Variants in P4HA1 observed in about 807,000 individuals in gnomAD.
The protein encoded by P4HA1 is prolyl 4-hydroxylase subunit alpha-1.
Under a neutral mutation model 72.8 loss-of-function variants are expected in P4HA1, and 24 were observed. That is an observed-to-expected ratio of 0.33 (90% CI 0.24 to 0.46). The LOEUF is 0.46. P4HA1 is among the 20% of genes least tolerant of loss of function. The pLI is 1.00. For synonymous variants in P4HA1, 201 were observed against 218.8 expected, an observed-to-expected ratio of 0.92 and a Z score of 0.72; for missense variants, 446 against 640.6, an observed-to-expected ratio of 0.70 and a Z score of 3.28.
intron 7 of P4HA1, among the ~76,000 whole-genome samples, chr10:73,050,165 C>CAAA (rs549704773): frequency 4.5e-4 from 37 of 83,042 alleles, no homozygotes; most frequent in African/African-American, 1.4e-3. Flanking sequence ...GTTTCTGTCT[C>CAAA]AAAAAAAAAA....
chr10:73,070,345 C>T (rs929301184), intron 4 of P4HA1, among the ~76,000 whole-genome samples: 5 of 151,334 alleles, frequency 3.3e-5, no homozygotes, highest in African/African-American at 7.3e-5. Flanking sequence ...TTAGTAGAGA[C>T]GGGTTTTCAC....
chr10:73,072,102 T>C lies in P4HA1; in HGVS notation c.252A>G (p.Ala84=). Residue 84 remains alanine (A), a synonymous_variant, in exon 4 of 15, where the codon GCA becomes GCG. Transcript: ENST00000394890. ...PEGFVGHPVN[A]FKLMKRLNTE... The stretch of plus-strand genomic sequence containing the variant: ...TATTCAGACGTTTCATTAATTTGAA[T>C]GCATTTACTGGATGCCCAACAAATC... 6.2e-7 allele frequency: 1 copy of C among 1,613,056 alleles called. No individual in the cohort carries two copies. Among genetic ancestry groups the C allele is most frequent in the South Asian group, 1.1e-5 (1 of 91,068 alleles).
chr10:73,051,208 C>G lies in P4HA1; in HGVS notation c.745G>C (p.Glu249Gln). The G allele has an allele frequency of 6.2e-7, 1 of 1,603,410 alleles. No homozygotes were observed. The highest frequency in any genetic ancestry group is 8.5e-7 in the Non-Finnish European group (1 of 1,170,902). Reference sequence around the variant, plus strand: ...TCTTTTTCTTTAGCCATTATATACTCAAAATATTTTAAGTTACCATTAGCT... The same window carrying G: ...TCTTTTTCTTTAGCCATTATATACTGAAAATATTTTAAGTTACCATTAGCT... ...QRANGNLKYF[E>Q]YIMAKEKDVN... is the part of the protein sequence containing the mutation. The change falls in exon 7 of 15, where the codon GAG (glutamate) becomes CAG (glutamine). Residue 249 changes from glutamate (E) to glutamine (Q), a missense_variant. Coordinates refer to ENST00000394890, the MANE Select transcript of P4HA1 (RefSeq NM_001017962.3).
intron 5 of P4HA1, among the ~76,000 whole-genome samples, chr10:73,066,977 C>G (rs1841438330): frequency 6.6e-6 from 1 of 152,112 alleles, no homozygotes; most frequent in Non-Finnish European, 1.5e-5. Flanking sequence ...GTGAATACAT[C>G]CCACCTCAGC....
chr10:73,064,202 C>T (rs1278752555), intron 5 of P4HA1, among the ~76,000 whole-genome samples: 3 of 152,174 alleles, frequency 2.0e-5, no homozygotes, highest in Admixed American at 6.5e-5. Context: ...TACAGTGGCT[C>T]TTGCCTGTAA....
rs142370143 is a variant in P4HA1, at chr10:73,066,831, C to T, written c.463+2015G>A. On this transcript the variant is annotated intron_variant, in intron 5 of 14. Transcript: ENST00000394890. ...CCCCTGCTGGCCCTCATTCTCTTTC[C>T]TGCCACCCTGTGAAGAAGTGCCTTC... 1.2e-4 allele frequency among the ~76,000 whole-genome samples: 19 copies of T among 152,254 alleles called. No individual in the cohort carries two copies. In the East Asian group the frequency reaches 2.3e-3, roughly 19 times the overall value.
chr10:73,076,358 CTGT>C (rs1421350246), intron 1 of P4HA1, among the ~76,000 whole-genome samples: 1 of 138,820 alleles, frequency 7.2e-6, no homozygotes, highest in Non-Finnish European at 1.5e-5. Context: ...ACCACTGTGC[CTGT>C]TTTTTTTTTT....
intron 1 of P4HA1, among the ~76,000 whole-genome samples, chr10:73,076,364 T>TG (rs1170757852): frequency 6.6e-6 from 1 of 151,760 alleles, no homozygotes; most frequent in African/African-American, 2.4e-5. Flanking sequence ...GTGCCTGTTT[T>TG]TTTTTTTTTT....
intron 10 of P4HA1, among the ~76,000 whole-genome samples, chr10:73,027,177 A>G (rs764644057): frequency 3.9e-5 from 6 of 152,232 alleles, no homozygotes; most frequent in African/African-American, 1.4e-4. Flanking sequence ...TATTCACAAT[A>G]GCAAAGACTT....
intron 5 of P4HA1, among the ~76,000 whole-genome samples, chr10:73,064,511 T>C (rs1841378117): frequency 7.3e-6 from 1 of 136,400 alleles, no homozygotes; most frequent in African/African-American, 3.1e-5. Context: ...AAATAAACTA[T>C]AATATCATAG....
chr10:73,086,052 GAGAA>G (rs1307984850), intron 1 of P4HA1, among the ~76,000 whole-genome samples: 1 of 152,240 alleles, frequency 6.6e-6, no homozygotes, highest in East Asian at 1.9e-4. Context: ...CAAGGACACA[GAGAA>G]ACTGGAACTC....
intron 1 of P4HA1, among the ~76,000 whole-genome samples, chr10:73,087,331 C>T (rs966018421): frequency 1.3e-5 from 2 of 148,660 alleles, no homozygotes; most frequent in Admixed American, 6.8e-5. Flanking sequence ...TGCAGTGGCA[C>T]AATCTTGTCT....
chr10:73,017,746 A>C (rs926168343), intron 10 of P4HA1, among the ~76,000 whole-genome samples: 1 of 152,206 alleles, frequency 6.6e-6, no homozygotes, highest in Non-Finnish European at 1.5e-5. Flanking sequence ...ACGCACCAAA[A>C]TTTAAGAAAA....
intron 4 of P4HA1, among the ~76,000 whole-genome samples, chr10:73,069,758 AAGTT>A (rs1443441023): frequency 9.9e-5 from 15 of 152,136 alleles, no homozygotes; most frequent in African/African-American, 3.1e-4. Flanking sequence ...TTGTGAATAA[AAGTT>A]AGGTATGAGA....
intron 9 of P4HA1, chr10:73,043,895 T>TA: frequency 1.2e-6 from 2 of 1,607,648 alleles, no homozygotes; most frequent in Non-Finnish European, 1.7e-6. Context: ...ACCTCTTAGA[T>TA]ACTCTGTACT....
intron 5 of P4HA1, among the ~76,000 whole-genome samples, chr10:73,055,553 T>C (rs1450506234): frequency 6.6e-6 from 1 of 152,152 alleles, no homozygotes; most frequent in African/African-American, 2.4e-5. Flanking sequence ...TGTGTTGTCT[T>C]TTCACTCTCT....
chr10:73,074,256 T>C (rs1235735332), intron 2 of P4HA1, among the ~76,000 whole-genome samples: 5 of 152,192 alleles, frequency 3.3e-5, no homozygotes. Context: ...TTTCAAATAA[T>C]CTGTTATTTA....
At chr10:73,065,283 TC>T (rs1841393830) in intron 5 of P4HA1, 1 of 151,912 alleles carries the variant, frequency 6.6e-6, no homozygotes, top group African/African-American at 2.4e-5. Context: ...ATTCAACAAA[TC>T]AGGGTTGGGA....
intron 1 of P4HA1, among the ~76,000 whole-genome samples, chr10:73,085,606 C>T (rs183124205): frequency 6.6e-6 from 1 of 152,114 alleles, no homozygotes; most frequent in African/African-American, 2.4e-5. Flanking sequence ...TGGTCTTGAA[C>T]TCCCAACCTC....
Sources: gnomAD v4.1 joint callset for allele counts (sites outside exome capture counted in the v4.1 genomes callset) on GRCh38, gnomAD v4.1.1 for gene constraint, MANE v1.5 for transcripts, NCBI Gene and HGNC (gene_info 2026-07-23, HGNC 2026-07-21) for gene names.